The following RASGRF2 variants were observed in gnomAD, a reference collection of about 807,000 sequenced individuals.
The protein encoded by RASGRF2 is ras-specific guanine nucleotide-releasing factor 2.
RASGRF2 carries 76 observed loss-of-function variants against 151.0 expected under a neutral mutation model. The observed-to-expected ratio is 0.50, with a 90% CI of 0.42 to 0.61. RASGRF2 has a LOEUF of 0.61. Among genes scored for constraint, RASGRF2 ranks in the 20% least tolerant of loss-of-function variants. RASGRF2 has a pLI of 0.00. For synonymous variants in RASGRF2, 504 were observed against 566.5 expected (o/e 0.89, Z 1.57); for missense variants, 1,148 against 1,564.6 (o/e 0.73, Z 4.49).
chr5:81,195,563 T>C (rs894448158), intron 18 of RASGRF2, among the ~76,000 whole-genome samples: 23 of 140,430 alleles, frequency 1.6e-4, no homozygotes, highest in African/African-American at 6.4e-4. Context: ...TTGAGATTTT[T>C]TTTTTGTGAC....
chr5:81,095,645 G>T (rs1384964886), intron 12 of RASGRF2, among the ~76,000 whole-genome samples: 1 of 152,226 alleles, frequency 6.6e-6, no homozygotes, highest in Non-Finnish European at 1.5e-5. Context: ...GAAAAGTGTT[G>T]CTATGTAAGA....
intron 18 of RASGRF2, among the ~76,000 whole-genome samples, chr5:81,185,082 G>C (rs1754995873): frequency 1.3e-5 from 2 of 152,218 alleles, no homozygotes; most frequent in South Asian, 4.1e-4. Context: ...GACCAGCTAA[G>C]AGCTCGTGAA....
intron 18 of RASGRF2, among the ~76,000 whole-genome samples, chr5:81,181,128 G>T (rs547941584): frequency 6.6e-6 from 1 of 152,150 alleles, no homozygotes; most frequent in African/African-American, 2.4e-5. Context: ...AATGAGAATC[G>T]TGTGTTATAA....
intron 1 of RASGRF2, among the ~76,000 whole-genome samples, chr5:81,015,793 T>C (rs972821690): frequency 3.3e-5 from 5 of 152,228 alleles, no homozygotes; most frequent in Admixed American, 2.6e-4. Context: ...TGTTAGTTAT[T>C]GCACTTAAAT....
intron 12 of RASGRF2, among the ~76,000 whole-genome samples, chr5:81,097,442 A>G (rs1752579485): frequency 6.6e-6 from 1 of 152,228 alleles, no homozygotes. Context: ...AAATTTTCTT[A>G]ACCTTTTGTA....
Position 81,073,284 on chromosome 5 carries a change from G to C in RASGRF2, c.719G>C (p.Ser240Thr). 6.2e-7 allele frequency: 1 copy of C among 1,614,084 alleles called. No homozygotes were observed. Among genetic ancestry groups the C allele is most frequent in the Non-Finnish European group, 8.5e-7 (1 of 1,179,944 alleles). Residue 240 changes from serine to threonine, a missense_variant, in exon 5 of 27, where the codon AGT becomes ACT. Physicochemically the swap from Ser to Thr is moderately conservative, Grantham distance 58. Around this residue, in one of 5 missense-constraint regions of RASGRF2, gnomAD observed 176 missense variants for 309.6 expected, o/e 0.57. Transcript: ENST00000265080. ...QDYICSPHAE[S>T]MRKRNQIVFT... ...TACATTTGTTCTCCTCATGCTGAAA[G>C]TATGAGGAAGAGAAACCAGATTGTG...
At chr5:81,187,474 G>T (rs534156471) in intron 18 of RASGRF2, among the ~76,000 whole-genome samples, 1 of 152,310 alleles carries the variant, frequency 6.6e-6, no homozygotes, top group Non-Finnish European at 1.5e-5. Context: ...CGACCGGGTG[G>T]TCTCCACGAT....
Position 80,960,976 on chromosome 5 carries a change from C to A in RASGRF2, c.238C>A (p.Pro80Thr). The A allele has an allele frequency of 6.4e-7, 1 of 1,554,496 alleles. No individual in the cohort carries two copies. The highest frequency in any genetic ancestry group is 8.8e-7 in the Non-Finnish European group (1 of 1,141,812). Residue 80 changes from proline to threonine, a missense_variant, in exon 1 of 27, where the codon CCC becomes ACC. Pro to Thr is a conservative substitution (Grantham distance 38). This residue lies in a region of RASGRF2 where 221 missense variants were observed against 271.3 expected (regional missense o/e 0.81). Transcript: ENST00000265080. The surrounding 1 kb of genome is among the most constrained non-coding windows in gnomAD (Gnocchi z 5.5). ...CAGCTGCGAACGAACGCCCGCGCCA[C>A]CCAGGGCCGGCGCCGGGCAGGGAGG... ...GCSCERTPAP[P>T]RAGAGQGGVR...
chr5:81,188,081 G>C (rs904603508), intron 18 of RASGRF2, among the ~76,000 whole-genome samples: 48 of 152,088 alleles, frequency 3.2e-4, no homozygotes, highest in African/African-American at 1.1e-3. Context: ...TGACGTTCCT[G>C]GCCTGCTGCT....
chr5:81,075,193 G>C (rs991032857), intron 5 of RASGRF2, among the ~76,000 whole-genome samples: 5 of 152,124 alleles, frequency 3.3e-5, no homozygotes, highest in African/African-American at 1.2e-4. Flanking sequence ...TTGGATTCTG[G>C]GTGTATTTTT....
intron 22 of RASGRF2, among the ~76,000 whole-genome samples, chr5:81,209,243 A>G (rs1040767114): frequency 4.5e-4 from 68 of 152,206 alleles, no homozygotes; most frequent in African/African-American, 1.5e-3. Context: ...TCCATCTTAC[A>G]GCTCTGCTTT....
intron 18 of RASGRF2, among the ~76,000 whole-genome samples, chr5:81,182,950 T>C (rs1474017742): frequency 6.6e-6 from 1 of 152,232 alleles, no homozygotes; most frequent in Non-Finnish European, 1.5e-5. Context: ...TCACCCTTAT[T>C]GTTTTTGGTT....
intron 2 of RASGRF2, among the ~76,000 whole-genome samples, chr5:81,065,440 C>T (rs1450706782): frequency 6.6e-6 from 1 of 152,150 alleles, no homozygotes; most frequent in Admixed American, 6.5e-5. Flanking sequence ...CAGAGTCCAG[C>T]TCCTTCATTA....
At chr5:81,005,316 AG>A (rs1413717824) in intron 1 of RASGRF2, among the ~76,000 whole-genome samples, 4 of 152,168 alleles carry the variant, frequency 2.6e-5, no homozygotes, top group Non-Finnish European at 5.9e-5. Flanking sequence ...TCATGCTGGC[AG>A]GAAGAAGAAA....
At chr5:81,066,442 C>T (rs1222820122) in intron 2 of RASGRF2, among the ~76,000 whole-genome samples, 1 of 152,124 alleles carries the variant, frequency 6.6e-6, no homozygotes, top group African/African-American at 2.4e-5. Flanking sequence ...GTAAGCTAAA[C>T]CTCAAACCAG....
At chr5:80,971,869 C>A (rs928214152) in intron 1 of RASGRF2, among the ~76,000 whole-genome samples, 3 of 151,832 alleles carry the variant, frequency 2.0e-5, no homozygotes, top group African/African-American at 7.3e-5. Context: ...CCGCACTCCA[C>A]CCCAGCTAAT....
intron 14 of RASGRF2, 79 bp downstream of exon 14, chr5:81,112,937 C>T (rs910342226): frequency 4.5e-6 from 7 of 1,565,074 alleles, no homozygotes; most frequent in Non-Finnish European, 6.1e-6. Flanking sequence ...GATGAGCAGG[C>T]CAGCTCTGCA....
rs1461870901 is a variant in RASGRF2, at chr5:81,053,236, A to T, written c.395+10253A>T. Among the ~76,000 whole-genome samples the T allele has an allele frequency of 2.7e-5, 4 of 149,768 alleles. No individual in the cohort carries two copies. In the East Asian group the frequency reaches 8.0e-4, roughly 30 times the overall value. On this transcript the variant is annotated intron_variant, in intron 2 of 26. Coordinates refer to ENST00000265080, the MANE Select transcript of RASGRF2 (RefSeq NM_006909.3). The stretch of plus-strand genomic sequence containing the variant: ...GGTGTGCTGCACCCATTAACTCATC[A>T]TTTACATTAGGTATATCTCCTAATG...
intron 1 of RASGRF2, among the ~76,000 whole-genome samples, chr5:80,976,081 TG>T (rs1285839880): frequency 2.0e-5 from 3 of 152,214 alleles, no homozygotes; most frequent in African/African-American, 7.2e-5. Context: ...TGACCTCAGG[TG>T]ATCCACCCGC....
Sources: gnomAD v4.1 joint callset for allele counts (sites outside exome capture counted in the v4.1 genomes callset) on GRCh38, gnomAD v4.1.1 for gene constraint, gnomAD v4.1.1 regional missense constraint, Gnocchi (gnomAD v3.1) non-coding constraint, MANE v1.5 for transcripts, NCBI Gene and HGNC (gene_info 2026-07-23, HGNC 2026-07-21) for gene names.